Variants in TRPM6 observed in about 807,000 individuals in gnomAD.
The protein encoded by TRPM6 is transient receptor potential cation channel subfamily M member 6, also known as channel kinase 2.
A neutral mutation model predicts 247.6 loss-of-function variants in TRPM6; 111 were observed. The observed-to-expected ratio is 0.45, with a 90% confidence interval of 0.38 to 0.52. TRPM6 has a LOEUF of 0.52. Among genes scored for constraint, TRPM6 ranks in the 20% least tolerant of loss-of-function variants. The pLI, the probability that TRPM6 is intolerant of heterozygous loss-of-function variation, is 0.00. For missense variants in TRPM6, 2,126 were observed against 2,421.5 expected, an observed-to-expected ratio of 0.88 and a Z score of 2.56; for synonymous variants, 892 against 853.8, an observed-to-expected ratio of 1.04 and a Z score of -0.78.
At chr9:74,751,441 C>T (rs1296464214) in intron 29 of TRPM6, among the ~76,000 whole-genome samples, 1 of 152,176 alleles carries the variant, frequency 6.6e-6, no homozygotes, top group East Asian at 1.9e-4. Context: ...TCCAATTACC[C>T]TCAAGTAGTC....
At chr9:74,870,586 A>G (rs2118455938) in intron 1 of TRPM6, among the ~76,000 whole-genome samples, 1 of 152,320 alleles carries the variant, frequency 6.6e-6, no homozygotes, top group East Asian at 1.9e-4. Context: ...CCAGCTGTCC[A>G]GCTATAAAGT....
chr9:74,816,532 T>G (rs148654070), intron 11 of TRPM6, 137 bp downstream of exon 11: 7 of 705,370 alleles, frequency 9.9e-6, no homozygotes, highest in Admixed American at 8.8e-5. Context: ...AAAAGTGTCT[T>G]AGCTATCCCA....
chr9:74,882,648 T>G (rs1831398754), intron 1 of TRPM6, among the ~76,000 whole-genome samples: 1 of 152,196 alleles, frequency 6.6e-6, no homozygotes, highest in Admixed American at 6.5e-5. Flanking sequence ...GAGACCCTCA[T>G]ACACTGTTGA....
chr9:74,785,775 G>A (rs1472998561), intron 21 of TRPM6, 99 bp downstream of exon 21: 76 of 1,348,914 alleles, frequency 5.6e-5, no homozygotes, highest in Non-Finnish European at 7.6e-5. Flanking sequence ...CGCCCGCCTT[G>A]GCCTCCCAAA....
At chr9:74,796,715 T>G (rs1828112305) in intron 18 of TRPM6, 26 bp downstream of exon 18, 1 of 1,611,220 alleles carries the variant, frequency 6.2e-7, no homozygotes, top group Admixed American at 1.7e-5. Flanking sequence ...CAATGAAAAT[T>G]CAGTTCATTA....
intron 25 of TRPM6, among the ~76,000 whole-genome samples, chr9:74,765,453 T>C (rs927822835): frequency 6.6e-6 from 1 of 152,170 alleles, no homozygotes; most frequent in African/African-American, 2.4e-5. Flanking sequence ...CTCTGGCATA[T>C]CACATTGTTT....
chr9:74,744,503 A>G lies in TRPM6; in HGVS notation c.5084-358T>C, dbSNP rs139479837. Among the ~76,000 whole-genome samples, 443 of 152,284 alleles carry G rather than the reference A, an allele frequency of 2.9e-3. 1 individual carries two copies. Among genetic ancestry groups the G allele is most frequent in the Non-Finnish European group, 5.1e-3 (350 of 68,030 alleles). On this transcript the variant is annotated intron_variant, in intron 31 of 38. Transcript: ENST00000360774. ...AGCATGATTCTCTGAGCTCCCTACCAAGATGCAGTGCCCGTAGAAAGACAG... is the reference window on the plus strand; with the variant it reads ...AGCATGATTCTCTGAGCTCCCTACCGAGATGCAGTGCCCGTAGAAAGACAG...
At chr9:74,748,085 C>G (rs1417833222) in intron 30 of TRPM6, among the ~76,000 whole-genome samples, 171 bp from the exon 31 acceptor site, 1 of 152,134 alleles carries the variant, frequency 6.6e-6, no homozygotes, top group Non-Finnish European at 1.5e-5. Context: ...CAACAACAGA[C>G]AGCATATATT....
At chr9:74,758,005 A>G (rs1479346246) in intron 27 of TRPM6, among the ~76,000 whole-genome samples, 2 of 152,230 alleles carry the variant, frequency 1.3e-5, no homozygotes, top group Non-Finnish European at 2.9e-5. Flanking sequence ...AATGAATAAT[A>G]AGAGAAGATT....
intron 20 of TRPM6, among the ~76,000 whole-genome samples, chr9:74,787,454 G>A (rs932147650): frequency 6.6e-6 from 1 of 151,870 alleles, no homozygotes; most frequent in African/African-American, 2.4e-5. Context: ...GATTTTCCCT[G>A]AAGCATTAAA....
At chr9:74,770,026 A>T (rs1235235874) in intron 25 of TRPM6, among the ~76,000 whole-genome samples, 1 of 152,190 alleles carries the variant, frequency 6.6e-6, no homozygotes, top group Non-Finnish European at 1.5e-5. Context: ...TATGGACTAA[A>T]GATATTATGT....
Position 74,803,835 on chromosome 9 carries a change from G to T in TRPM6, c.1690C>A (p.His564Asn), listed in dbSNP as rs1564022613. 1.2e-6 allele frequency: 2 copies of T among 1,613,780 alleles called. No individual in the cohort carries two copies. Among genetic ancestry groups the T allele is most frequent in the Non-Finnish European group, 1.7e-6 (2 of 1,179,696 alleles). Residue 564 changes from histidine to asparagine, a missense_variant, in exon 15 of 39, where the codon CAC (histidine) becomes AAC (asparagine). His to Asn is a moderately conservative substitution (Grantham distance 68, BLOSUM62 1). Coordinates refer to ENST00000360774, the MANE Select transcript of TRPM6 (RefSeq NM_017662.5). ...TGTGCAGTTCTAATGAACTGGGAGT[G>T]CAGCGTACTTTCTGCAGACTCATTT... ...NRNESAESTL[H>N]SQFIRTAQPY...
intron 6 of TRPM6, among the ~76,000 whole-genome samples, chr9:74,831,792 G>GA (rs1829555233): frequency 6.6e-6 from 1 of 152,064 alleles, no homozygotes; most frequent in Non-Finnish European, 1.5e-5. Flanking sequence ...TCATTATTTT[G>GA]AAAACTGGCA....
At chr9:74,763,925 GAT>G (rs1826739807) in intron 25 of TRPM6, among the ~76,000 whole-genome samples, 2 of 152,058 alleles carry the variant, frequency 1.3e-5, no homozygotes, top group Non-Finnish European at 2.9e-5. Flanking sequence ...GAGGCAGGTG[GAT>G]CACTTGAAGT....
At chr9:74,738,660 G>A in intron 35 of TRPM6, 48 bp from the exon 36 acceptor site, 1 of 1,539,924 alleles carries the variant, frequency 6.5e-7, no homozygotes, top group East Asian at 2.3e-5. Context: ...CAGCAAAAGT[G>A]GGACTTACCT....
Position 74,762,245 on chromosome 9 carries a change from A to G in TRPM6, c.4426T>C (p.Leu1476=). The G allele has an allele frequency of 1.2e-6, 2 of 1,614,214 alleles. No individual in the cohort carries two copies. Among genetic ancestry groups the G allele is most frequent in the Non-Finnish European group, 1.7e-6 (2 of 1,180,028 alleles). ...FSIKKKWQTC[L]PSTCDSDSSR... Reference sequence around the variant, plus strand: ...GAATCACTGTCACAAGTGGAGGGCAAGCAGGTTTGCCACTTTTTCTTGATG... The same window carrying G: ...GAATCACTGTCACAAGTGGAGGGCAGGCAGGTTTGCCACTTTTTCTTGATG... The change falls in exon 26 of 39, where the codon TTG becomes CTG. Residue 1476 remains leucine (L), a synonymous_variant. Transcript: ENST00000360774.
Position 74,803,879 on chromosome 9 carries a change from C to T in TRPM6, c.1646G>A (p.Arg549Lys). Residue 549 changes from arginine (R) to lysine (K), a missense_variant, in exon 15 of 39, where the codon AGA becomes AAA. By Grantham distance (26) the Arg-to-Lys change is conservative. Transcript: ENST00000360774. ...NNLYRKYKHQ[R>K]HSSGNRNESA... ...CTCATTTCTATTTCCTGAGGAGTGT[C>T]TCTGGTGCTGGGAAAGGTTTTGAAC... 1 of 1,611,734 alleles carries T rather than the reference C, an allele frequency of 6.2e-7. No homozygotes were observed. Among genetic ancestry groups the T allele is most frequent in the Non-Finnish European group, 8.5e-7 (1 of 1,177,940 alleles).
chr9:74,820,456 A>G, intron 8 of TRPM6, 29 bp from the exon 9 acceptor site: 1 of 1,613,842 alleles, frequency 6.2e-7, no homozygotes, highest in Non-Finnish European at 8.5e-7. Flanking sequence ...GTCTTGACAC[A>G]ACCCAGAGAG....
Position 74,810,877 on chromosome 9 carries a change from A to C in TRPM6, c.1444-9T>G. The C allele has an allele frequency of 6.2e-7, 1 of 1,611,852 alleles. No individual in the cohort carries two copies. The highest frequency in any genetic ancestry group is 8.5e-7 in the Non-Finnish European group (1 of 1,178,106). On this transcript the variant is annotated splice_polypyrimidine_tract_variant and intron_variant, in intron 12 of 38. Transcript: ENST00000360774. ...TTAGTAGGTCCTTGTTTCTGAAATA[A>C]AGAACAAAAGGAAGAATTATTCTCT... is the stretch of plus-strand genomic sequence containing the variant.
Sources: gnomAD v4.1 joint callset for allele counts (sites outside exome capture counted in the v4.1 genomes callset) on GRCh38, gnomAD v4.1.1 for gene constraint, MANE v1.5 for transcripts, NCBI Gene and HGNC (gene_info 2026-07-23, HGNC 2026-07-21) for gene names.